GTF2IRD1: variants seen among roughly 807,000 people sequenced by gnomAD.
GTF2IRD1 encodes the protein general transcription factor II-I repeat domain-containing protein 1.
GTF2IRD1 carries 26 observed loss-of-function variants against 113.2 expected under a neutral mutation model. The observed-to-expected ratio is 0.23, with a 90% confidence interval of 0.17 to 0.32. The LOEUF (loss-of-function observed/expected upper bound fraction) is 0.32, where lower values mean the gene tolerates loss of function less well. Ranked by LOEUF, GTF2IRD1 falls within the 10% of genes least tolerant of loss-of-function variation. GTF2IRD1 has a pLI of 1.00. For synonymous variants in GTF2IRD1, 484 were observed against 529.1 expected (o/e 0.91, Z 1.17); for missense variants, 864 against 1,280.8 (o/e 0.67, Z 4.97).
intron 1 of GTF2IRD1, among the ~76,000 whole-genome samples, chr7:74,467,413 T>C (rs947750463): frequency 3.9e-5 from 6 of 152,156 alleles, no homozygotes; most frequent in South Asian, 4.1e-4. Flanking sequence ...TTGGAGCGTT[T>C]CCCTCCAGGA....
Position 74,595,063 on chromosome 7 carries a change from G to A in GTF2IRD1, c.2629+12G>A. 1 of 1,591,758 alleles carries A rather than the reference G, an allele frequency of 6.3e-7. No individual in the cohort carries two copies. Among genetic ancestry groups the A allele is most frequent in the Non-Finnish European group, 8.6e-7 (1 of 1,161,426 alleles). On this transcript the variant is annotated intron_variant, in intron 25 of 26. Coordinates refer to ENST00000424337, the MANE Select transcript of GTF2IRD1 (RefSeq NM_005685.4). ...TGCCAAGGTGCCAGGTGAGTCAGAG[G>A]TGAAGAAGCCACCCTTCTGCTCCGT...
chr7:74,515,540 G>C lies in GTF2IRD1; in HGVS notation c.365G>C (p.Gly122Ala), dbSNP rs1231662901. ...CTCCCTCGGTCCTCCCTGGAACATG[G>C]CTCAGATGTGTACCTTCTGCGGAAG... ...RSLPRSSLEHGSDVYLLRKMV... is the reference protein window; with the variant it reads ...RSLPRSSLEHASDVYLLRKMV... The change falls in exon 4 of 27, where the codon GGC (glycine) becomes GCC (alanine). Residue 122 changes from glycine (G) to alanine (A), a missense_variant. Physicochemically the swap from Gly to Ala is moderately conservative, Grantham distance 60 (BLOSUM62 0). This residue lies in a region of GTF2IRD1 where 182 missense variants were observed against 266.6 expected (regional missense o/e 0.68). Coordinates refer to ENST00000424337, the MANE Select transcript of GTF2IRD1 (RefSeq NM_005685.4). 1 of 1,613,834 alleles carries C rather than the reference G, an allele frequency of 6.2e-7. No homozygotes were observed. The highest frequency in any genetic ancestry group is 8.5e-7 in the Non-Finnish European group (1 of 1,179,770).
rs1279544703 is a variant in GTF2IRD1 at position 74,512,266 on chromosome 7, C to T, written c.124-564C>T. ...ACTCGGGAGGCTGAGGCAGGAGAAT[C>T]GCTTGAACCTGGGAGGCAGAGGTTG... On this transcript the variant is annotated intron_variant, in intron 2 of 26. Transcript: ENST00000424337. This position sits in a 1 kb window ranked among gnomAD's most constrained non-coding sequence, Gnocchi z 4.4. Among the ~76,000 whole-genome samples the T allele has an allele frequency of 5.9e-5, 9 of 152,078 alleles. No individual in the cohort carries two copies. The highest frequency in any genetic ancestry group is 1.7e-4 in the African/African-American group (7 of 41,414).
At chr7:74,571,256 T>C in intron 22 of GTF2IRD1, 1 of 276,714 alleles carries the variant, frequency 3.6e-6, no homozygotes, top group Non-Finnish European at 5.5e-6. Flanking sequence ...CTGCCTCCCC[T>C]GGGGCCACCC....
At chr7:74,496,345 CAT>C (rs60315475) in intron 1 of GTF2IRD1, among the ~76,000 whole-genome samples, 22,469 of 127,176 alleles carry the variant, frequency 0.18, 1,870 homozygotes, top group Middle Eastern at 0.3. Context: ...CATGTATGTG[CAT>C]GTGTGTGTGG....
chr7:74,538,241 G>A, intron 12 of GTF2IRD1, 68 bp downstream of exon 12: 2 of 1,497,360 alleles, frequency 1.3e-6, no homozygotes, highest in Middle Eastern at 2.3e-4. Context: ...CTACCCGGCA[G>A]CCTTGGGGAG....
intron 1 of GTF2IRD1, among the ~76,000 whole-genome samples, chr7:74,465,860 C>T (rs537524438): frequency 6.6e-6 from 1 of 152,140 alleles, no homozygotes; most frequent in South Asian, 2.1e-4. Context: ...ACCTCTACCT[C>T]CTGGGTTCAA....
chr7:74,535,175 G>A (rs782235600), intron 10 of GTF2IRD1, 37 bp downstream of exon 10: 24 of 1,587,302 alleles, frequency 1.5e-5, no homozygotes, highest in Non-Finnish European at 1.7e-5. Flanking sequence ...TGAAGTTTCC[G>A]GATTGGTTCC....
chr7:74,524,695 G>T (rs1554346848), intron 8 of GTF2IRD1, among the ~76,000 whole-genome samples: 1 of 152,150 alleles, frequency 6.6e-6, no homozygotes, highest in Non-Finnish European at 1.5e-5. Flanking sequence ...CCAGAACCCT[G>T]TCTCTACTAA....
intron 22 of GTF2IRD1, among the ~76,000 whole-genome samples, chr7:74,585,115 T>C (rs1451963636): frequency 6.7e-6 from 1 of 148,374 alleles, no homozygotes; most frequent in Non-Finnish European, 1.5e-5. Flanking sequence ...TTGGTGTTTT[T>C]TTTTTTTTTT....
chr7:74,538,041 G>A (rs1239908127), intron 11 of GTF2IRD1, 95 bp from the exon 12 acceptor site: 27 of 1,224,870 alleles, frequency 2.2e-5, no homozygotes, highest in Admixed American at 1.4e-4. Flanking sequence ...CTGCAGTGGC[G>A]CCCGCGGTGG....
chr7:74,571,207 T>C lies in GTF2IRD1; in HGVS notation c.2320+11552T>C, dbSNP rs1800675898. On this transcript the variant is annotated intron_variant, in intron 22 of 26. Transcript: ENST00000424337. ...AGGCTTGCCTACCTGGGCCTCAGTT[T>C]CCCTACTTGTAAAATGAGAAGAATT... 1.3e-5 allele frequency: 9 copies of C among 704,990 alleles called. No individual in the cohort carries two copies. In the South Asian group the frequency reaches 4.4e-4, roughly 35 times the overall value. The allele number at this position is 704,990 out of a possible 1,614,324, so 43.7% of individuals were successfully genotyped here.
intron 9 of GTF2IRD1, among the ~76,000 whole-genome samples, chr7:74,530,521 A>G (rs1583807273): frequency 1.9e-5 from 2 of 103,974 alleles, no homozygotes; most frequent in Admixed American, 1.3e-4. Context: ...TTTTGAATAG[A>G]GATGGGATCT....
At chr7:74,460,056 G>C (rs1355088770) in intron 1 of GTF2IRD1, among the ~76,000 whole-genome samples, 3 of 149,150 alleles carry the variant, frequency 2.0e-5, no homozygotes, top group Non-Finnish European at 4.5e-5. Context: ...GCTCACTGCA[G>C]CTTCTCCCTC....
chr7:74,578,849 T>A (rs1801240638), intron 22 of GTF2IRD1, among the ~76,000 whole-genome samples: 1 of 151,462 alleles, frequency 6.6e-6, no homozygotes, highest in Non-Finnish European at 1.5e-5. Flanking sequence ...TACAAAAAAA[T>A]TAGCCAGGCA....
intron 22 of GTF2IRD1, among the ~76,000 whole-genome samples, chr7:74,577,729 G>A (rs1801162436): frequency 6.6e-6 from 1 of 151,332 alleles, no homozygotes; most frequent in South Asian, 2.1e-4. Context: ...ATAGCTTACT[G>A]CAGCCTGGAC....
intron 1 of GTF2IRD1, among the ~76,000 whole-genome samples, chr7:74,467,019 C>T (rs544751788): frequency 1.3e-5 from 2 of 149,678 alleles, no homozygotes; most frequent in East Asian, 2.0e-4. Context: ...GGCATGATCT[C>T]GGCTCACTGC....
At chr7:74,582,232 T>C (rs1801459419) in intron 22 of GTF2IRD1, among the ~76,000 whole-genome samples, 1 of 152,164 alleles carries the variant, frequency 6.6e-6, no homozygotes, top group East Asian at 1.9e-4. Context: ...AGGGCACGGC[T>C]AGAGCACAGA....
At chr7:74,477,381 G>A (rs1469775505) in intron 1 of GTF2IRD1, among the ~76,000 whole-genome samples, 1 of 150,642 alleles carries the variant, frequency 6.6e-6, no homozygotes, top group African/African-American at 2.4e-5. Context: ...AAAGAGGTGC[G>A]GGGAGGGCCA....
Sources: gnomAD v4.1 joint callset for allele counts (sites outside exome capture counted in the v4.1 genomes callset) on GRCh38, gnomAD v4.1.1 for gene constraint, gnomAD v4.1.1 regional missense constraint, Gnocchi (gnomAD v3.1) non-coding constraint, MANE v1.5 for transcripts, NCBI Gene and HGNC (gene_info 2026-07-23, HGNC 2026-07-21) for gene names.